GRIK2: variants seen among roughly 807,000 people sequenced by gnomAD.
The protein encoded by GRIK2 is glutamate receptor ionotropic, kainate 2.
Under a neutral mutation model 100.3 loss-of-function variants are expected in GRIK2, and 32 were observed. The ratio of observed to expected loss-of-function variants is 0.32; its 90% CI spans 0.24 to 0.43. The LOEUF is 0.43. GRIK2 is among the 20% of genes least tolerant of loss of function. The pLI is 1.00. For synonymous variants in GRIK2, 417 were observed against 389.4 expected (o/e 1.07, Z -0.83); for missense variants, 843 against 1,114.9 (o/e 0.76, Z 3.47).
intron 11 of GRIK2, among the ~76,000 whole-genome samples, chr6:101,882,603 G>A (rs1786332311): frequency 6.6e-6 from 1 of 151,886 alleles, no homozygotes; most frequent in Admixed American, 6.6e-5. Context: ...CTACAAGTGT[G>A]AGGGAAATCT....
intron 2 of GRIK2, among the ~76,000 whole-genome samples, chr6:101,501,603 A>G (rs1005060532): frequency 6.6e-6 from 1 of 152,152 alleles, no homozygotes. Context: ...AACATGTCCT[A>G]CAGGTTCTGC....
Position 101,792,776 on chromosome 6 carries a change from TCTC to T in GRIK2, c.952-6869_952-6867del, listed in dbSNP as rs1349585916. ...GCCTGCCTTGCTAGGTTGGGGAAGT[TCTC>T]CTGGATAATATCCTGCAGAGTTTTT... On this transcript the variant is annotated intron_variant, in intron 7 of 16. Transcript: ENST00000369134. Among the ~76,000 whole-genome samples, 3 of 152,122 alleles carry T rather than the reference TCTC, an allele frequency of 2.0e-5. No homozygotes were observed. In the East Asian group the frequency reaches 5.8e-4, roughly 29 times the overall value.
intron 15 of GRIK2, among the ~76,000 whole-genome samples, chr6:102,040,391 T>C (rs1770501371): frequency 6.6e-6 from 1 of 151,514 alleles, no homozygotes; most frequent in Admixed American, 6.6e-5. Flanking sequence ...AGTAGTACCA[T>C]TAATAATCCT....
In GRIK2 at chr6:101,815,687, A is replaced by G. The variant is rs542760175; in HGVS notation, c.1204-2683A>G. On this transcript the variant is annotated intron_variant, in intron 9 of 16. Coordinates refer to ENST00000369134, the MANE Select transcript of GRIK2 (RefSeq NM_021956.5). The stretch of plus-strand genomic sequence containing the variant: ...TGACAAAATAGTGGTTCCCGAATAG[A>G]CAAAAATAGATTGCTATCACTTTGT... Among the ~76,000 whole-genome samples, 13 of 152,232 alleles carry G rather than the reference A, an allele frequency of 8.5e-5. No homozygotes were observed. The South Asian group carries it at 1.2e-3, about 15-fold the overall frequency.
intron 2 of GRIK2, among the ~76,000 whole-genome samples, chr6:101,619,421 A>G (rs1780041501): frequency 6.6e-6 from 1 of 151,878 alleles, no homozygotes; most frequent in African/African-American, 2.4e-5. Context: ...CTTAAAGTCG[A>G]ATTTGAATTA....
intron 14 of GRIK2, chr6:101,993,135 C>T (rs527986203): frequency 6.6e-6 from 1 of 151,144 alleles, no homozygotes; most frequent in South Asian, 2.1e-4. Context: ...TTTCCTCTAT[C>T]AAACCATTCT....
At chr6:101,776,311 A>G (rs965823548) in intron 7 of GRIK2, among the ~76,000 whole-genome samples, 1 of 152,202 alleles carries the variant, frequency 6.6e-6, no homozygotes, top group African/African-American at 2.4e-5. Context: ...TTTGTATGAA[A>G]TGTTCATACA....
At chr6:101,858,729 C>T (rs988329008) in intron 10 of GRIK2, among the ~76,000 whole-genome samples, 1 of 151,782 alleles carries the variant, frequency 6.6e-6, no homozygotes, top group Admixed American at 6.6e-5. Flanking sequence ...ACTTTTTAAA[C>T]TATAATTAAA....
chr6:101,964,583 G>A (rs1025723902), intron 14 of GRIK2, among the ~76,000 whole-genome samples: 4 of 152,136 alleles, frequency 2.6e-5, no homozygotes, highest in Non-Finnish European at 5.9e-5. Context: ...CAGGAAAGGT[G>A]TTTATATTGG....
intron 14 of GRIK2, among the ~76,000 whole-genome samples, chr6:101,936,582 CA>C (rs1419021180): frequency 1.3e-5 from 2 of 152,018 alleles, no homozygotes; most frequent in Non-Finnish European, 2.9e-5. Context: ...ATCTAACACA[CA>C]ATTTATTGTA....
At chr6:101,599,702 G>A (rs926173791) in intron 2 of GRIK2, among the ~76,000 whole-genome samples, 1 of 151,562 alleles carries the variant, frequency 6.6e-6, no homozygotes, top group African/African-American at 2.4e-5. Context: ...CCACATGTAT[G>A]TCTTCTTTTG....
chr6:101,540,982 C>A (rs1775955309), intron 2 of GRIK2, among the ~76,000 whole-genome samples: 1 of 151,814 alleles, frequency 6.6e-6, no homozygotes, highest in Admixed American at 6.6e-5. Flanking sequence ...GGGAGGATAT[C>A]TGTAGTTTGC....
chr6:101,467,497 A>G (rs943429680), intron 2 of GRIK2, among the ~76,000 whole-genome samples: 44 of 152,312 alleles, frequency 2.9e-4, no homozygotes, highest in African/African-American at 1.0e-3. Flanking sequence ...AGCCTGGTAA[A>G]AATGCACAAT....
At chr6:102,010,169 A>G (rs1795452501) in intron 14 of GRIK2, among the ~76,000 whole-genome samples, 2 of 152,128 alleles carry the variant, frequency 1.3e-5, no homozygotes, top group African/African-American at 4.8e-5. Flanking sequence ...GTTACTATTG[A>G]TGGACTTAAC....
At chr6:101,538,871 A>G (rs766198621) in intron 2 of GRIK2, among the ~76,000 whole-genome samples, 23 of 151,822 alleles carry the variant, frequency 1.5e-4, no homozygotes, top group Non-Finnish European at 2.5e-4. Context: ...AAATTTATCC[A>G]GAGACCTCCT....
intron 7 of GRIK2, among the ~76,000 whole-genome samples, chr6:101,745,567 G>A (rs1377484324): frequency 2.0e-5 from 3 of 151,984 alleles, no homozygotes; most frequent in South Asian, 2.1e-4. Context: ...TAATAGATGG[G>A]CAATATGAAA....
intron 12 of GRIK2, among the ~76,000 whole-genome samples, chr6:101,910,736 C>A (rs1437702273): frequency 6.7e-6 from 1 of 150,370 alleles, no homozygotes; most frequent in African/African-American, 2.4e-5. Context: ...GAAATTGAAA[C>A]AAAGAAGATC....
At chr6:101,499,788 G>A (rs1002866575) in intron 2 of GRIK2, among the ~76,000 whole-genome samples, 3 of 152,000 alleles carry the variant, frequency 2.0e-5, no homozygotes, top group African/African-American at 4.8e-5. Flanking sequence ...GCATATACGC[G>A]TTGTAAGATC....
intron 14 of GRIK2, among the ~76,000 whole-genome samples, chr6:101,962,968 C>T (rs1419959071): frequency 6.6e-6 from 1 of 150,824 alleles, no homozygotes; most frequent in Non-Finnish European, 1.5e-5. Context: ...CTAGATAAAA[C>T]AGGCAGTTGA....
Sources: gnomAD v4.1 joint callset for allele counts (sites outside exome capture counted in the v4.1 genomes callset) on GRCh38, gnomAD v4.1.1 for gene constraint, MANE v1.5 for transcripts, NCBI Gene and HGNC (gene_info 2026-07-23, HGNC 2026-07-21) for gene names.